Variants in RASEF observed in about 807,000 individuals in gnomAD.
RASEF encodes RAS and EF-hand domain containing.
A neutral mutation model predicts 90.1 loss-of-function variants in RASEF; 68 were observed. The ratio of observed to expected loss-of-function variants is 0.75; its 90% CI spans 0.62 to 0.92. The LOEUF (loss-of-function observed/expected upper bound fraction) is 0.92. Ranked by LOEUF, RASEF falls within the 40% of genes least tolerant of loss-of-function variation. RASEF has a pLI of 0.00. For synonymous variants in RASEF, 331 were observed against 345.2 expected (o/e 0.96, Z 0.46); for missense variants, 949 against 937.2 (o/e 1.01, Z -0.16).
chr9:83,115,674 G>C, the RASEF span, among the ~76,000 whole-genome samples: 2 of 152,050 alleles, frequency 1.3e-5, no homozygotes, highest in Admixed American at 1.3e-4. Flanking sequence ...ATCTACTTTG[G>C]AAATCTAGCC....
At chr9:83,030,422 T>A (rs777910358) in intron 1 of RASEF, among the ~76,000 whole-genome samples, 24 of 151,998 alleles carry the variant, frequency 1.6e-4, no homozygotes, top group Non-Finnish European at 2.9e-4. Flanking sequence ...AACATCAAAA[T>A]GTTCAGAAGT....
At chr9:83,027,692 G>A (rs1161912354) in intron 1 of RASEF, among the ~76,000 whole-genome samples, 1 of 152,186 alleles carries the variant, frequency 6.6e-6, no homozygotes, top group Non-Finnish European at 1.5e-5. Context: ...GTTGGTGAGG[G>A]TGGTGGTGTC....
At chr9:83,167,734 G>T in the RASEF span, among the ~76,000 whole-genome samples, 3 of 152,122 alleles carry the variant, frequency 2.0e-5, no homozygotes, top group East Asian at 5.8e-4. Context: ...ATACAAATTT[G>T]CCTATTCTGG....
intron 1 of RASEF, among the ~76,000 whole-genome samples, chr9:83,047,169 T>C (rs552251435): frequency 3.0e-4 from 45 of 152,232 alleles, no homozygotes; most frequent in South Asian, 2.3e-3. Context: ...ACCTTGGGTG[T>C]TTCTGCCTGG....
chr9:83,128,463 C>CTTT, the RASEF span, among the ~76,000 whole-genome samples: 2 of 132,428 alleles, frequency 1.5e-5, no homozygotes, highest in South Asian at 2.5e-4. Flanking sequence ...TTGTTTTAGC[C>CTTT]TTTTTTTTTT....
At position 82,992,991 on chromosome 9, in the gene RASEF, A is replaced by G. The variant is rs745464677; in HGVS notation, c.1955T>C (p.Val652Ala). The part of the protein sequence containing the change: ...AAHETVPIML[V>A]GNKADIRDTA... ...GTCACGAATGTCAGCCTTGTTTCCT[A>G]CCAGCATAATGGGAACAGTCTCATG... The change falls in exon 15 of 17, where the codon GTA (valine) becomes GCA (alanine). Residue 652 changes from valine (V) to alanine (A), a missense_variant. This residue lies in a region of RASEF where 288 missense variants were observed against 328.4 expected (regional missense o/e 0.88). Coordinates refer to ENST00000376447, the MANE Select transcript of RASEF (RefSeq NM_152573.4). The G allele has an allele frequency of 1.9e-5, 30 of 1,613,766 alleles. No individual in the cohort carries two copies. The South Asian group carries it at 3.1e-4, about 17-fold the overall frequency.
the RASEF span, among the ~76,000 whole-genome samples, chr9:83,112,671 G>C: frequency 6.6e-6 from 1 of 150,514 alleles, no homozygotes; most frequent in Non-Finnish European, 1.5e-5. Context: ...TGGGCAACAA[G>C]AGTGAAACTC....
the RASEF span, among the ~76,000 whole-genome samples, chr9:83,128,822 G>A: frequency 4.6e-5 from 7 of 152,162 alleles, no homozygotes; most frequent in South Asian, 1.2e-3. Flanking sequence ...GAGTGGGTGG[G>A]CCACCTCCTG....
intron 1 of RASEF, chr9:83,048,884 T>TG: frequency 6.0e-6 from 3 of 499,816 alleles, no homozygotes; most frequent in Non-Finnish European, 7.8e-6. Flanking sequence ...ATCCCAACAC[T>TG]TTGGGAGGCC....
the RASEF span, among the ~76,000 whole-genome samples, chr9:83,199,192 C>T: frequency 8.0e-6 from 1 of 125,702 alleles, no homozygotes; most frequent in Non-Finnish European, 1.6e-5. Context: ...TTTTTTCTCA[C>T]ATATTTTGGA....
the RASEF span, among the ~76,000 whole-genome samples, chr9:83,161,281 C>T: frequency 1.3e-5 from 2 of 152,170 alleles, no homozygotes; most frequent in East Asian, 1.9e-4. Context: ...CCTGCAAATC[C>T]ACAGGGGCAA....
At chr9:83,190,838 C>G in the RASEF span, among the ~76,000 whole-genome samples, 11 of 152,282 alleles carry the variant, frequency 7.2e-5, no homozygotes, top group Middle Eastern at 0.01. Context: ...AAAAAAGACA[C>G]AATTCATAGA....
At chr9:83,214,820 A>C in the RASEF span, among the ~76,000 whole-genome samples, 887 of 152,196 alleles carry the variant, frequency 5.8e-3, 2 homozygotes, top group Non-Finnish European at 0.011. Context: ...TGATACAGAC[A>C]GTAGACAGGG....
At chr9:83,061,768 G>C (rs940366561) in intron 1 of RASEF, among the ~76,000 whole-genome samples, 8 of 152,204 alleles carry the variant, frequency 5.3e-5, no homozygotes. Context: ...CACATAAAAA[G>C]TGAGTTTTTC....
chr9:83,117,497 T>G, the RASEF span, among the ~76,000 whole-genome samples: 2 of 152,214 alleles, frequency 1.3e-5, no homozygotes, highest in South Asian at 4.1e-4. Context: ...TCTTTCTAGA[T>G]GTTTCCTGCT....
chr9:83,092,003 CTTTTTTTTTTT>C, the RASEF span, among the ~76,000 whole-genome samples: 1,483 of 35,974 alleles, frequency 0.041, 60 homozygotes, highest in African/African-American at 0.13. Context: ...TCTTTTATTT[CTTTTTTTTTTT>C]TTTTTTTTTT....
At position 82,980,675 on chromosome 9, in the gene RASEF, A is replaced by G. The variant is rs546838404; in HGVS notation, c.*2002T>C. 3 of 152,356 alleles carry G rather than the reference A, an allele frequency of 2.0e-5. No homozygotes were observed. In the South Asian group the frequency reaches 6.2e-4, roughly 32 times the overall value. The allele number at this position is 152,356 out of a possible 1,614,324, so 9.4% of individuals were successfully genotyped here. A position where few individuals can be genotyped will look rare whatever the true frequency, so the allele number is the denominator to read the frequency against. ...CAAAACCTAAACATGTGTCCCATAT[A>G]TCAGCATCTACATATATCTGATCCA... On this transcript the variant is annotated 3_prime_UTR_variant, in exon 17 of 17. Coordinates refer to ENST00000376447, the MANE Select transcript of RASEF (RefSeq NM_152573.4).
At chr9:83,019,362 G>A (rs1288780299) in intron 3 of RASEF, among the ~76,000 whole-genome samples, 6 of 151,958 alleles carry the variant, frequency 3.9e-5, no homozygotes, top group Admixed American at 1.3e-4. Flanking sequence ...ATAAACCCAC[G>A]AAAAGATCCT....
chr9:83,169,347 CCATACACACA>C, the RASEF span, among the ~76,000 whole-genome samples: 1 of 77,358 alleles, frequency 1.3e-5, no homozygotes, highest in Non-Finnish European at 2.5e-5. Flanking sequence ...ATACTGATTT[CCATACACACA>C]CACACACACA....
Sources: allele counts gnomAD v4.1 joint callset (sites outside exome capture counted in the v4.1 genomes callset), GRCh38; gene constraint gnomAD v4.1.1; regional missense constraint gnomAD v4.1.1; transcripts MANE v1.5; gene names NCBI Gene and HGNC (gene_info 2026-07-23, HGNC 2026-07-21).